Variants in ADAMTSL3 observed in about 807,000 individuals in gnomAD.
ADAMTSL3 encodes ADAMTS like 3.
In ADAMTSL3, 128 loss-of-function variants were observed where a neutral mutation model predicts 201.7. The ratio of observed to expected loss-of-function variants is 0.63; its 90% confidence interval spans 0.55 to 0.73. The LOEUF (loss-of-function observed/expected upper bound fraction) is 0.73. Ranked by LOEUF, ADAMTSL3 falls within the 30% of genes least tolerant of loss-of-function variation. The pLI is 0.00. For missense variants in ADAMTSL3, 1,990 were observed against 2,119.6 expected (o/e 0.94, Z 1.20); for synonymous variants, 738 against 748.4 (o/e 0.99, Z 0.23).
intron 4 of ADAMTSL3, among the ~76,000 whole-genome samples, chr15:83,796,556 A>G (rs138827434): frequency 6.6e-4 from 101 of 152,354 alleles, no homozygotes; most frequent in African/African-American, 2.4e-3. Flanking sequence ...TCATAAACAT[A>G]CCAATTTTCC....
At chr15:84,015,479 G>C (rs1479075161) in intron 24 of ADAMTSL3, among the ~76,000 whole-genome samples, 1 of 152,154 alleles carries the variant, frequency 6.6e-6, no homozygotes, top group East Asian at 1.9e-4. Flanking sequence ...GTTAATTCTT[G>C]TGATACTTAT....
At chr15:83,771,472 A>G (rs975115831) in intron 3 of ADAMTSL3, among the ~76,000 whole-genome samples, 1 of 152,130 alleles carries the variant, frequency 6.6e-6, no homozygotes, top group Non-Finnish European at 1.5e-5. Context: ...CCTGGCAACC[A>G]CTATTGTACT....
intron 4 of ADAMTSL3, among the ~76,000 whole-genome samples, chr15:83,795,193 T>C (rs913546446): frequency 6.6e-6 from 1 of 151,960 alleles, no homozygotes; most frequent in East Asian, 1.9e-4. Context: ...AATTTAATTT[T>C]AAAAAACTAG....
chr15:83,976,324 C>T (rs2067287581), intron 20 of ADAMTSL3, among the ~76,000 whole-genome samples: 1 of 152,070 alleles, frequency 6.6e-6, no homozygotes, highest in African/African-American at 2.4e-5. Flanking sequence ...AGGGCCAGCA[C>T]ACCACTGGAC....
chr15:84,006,558 C>T (rs1479267840), intron 23 of ADAMTSL3, among the ~76,000 whole-genome samples: 1 of 152,064 alleles, frequency 6.6e-6, no homozygotes, highest in Non-Finnish European at 1.5e-5. Context: ...CACAGCCCCT[C>T]CGGCTCTGAA....
At chr15:83,779,896 C>T (rs2063139499) in intron 4 of ADAMTSL3, among the ~76,000 whole-genome samples, 1 of 152,188 alleles carries the variant, frequency 6.6e-6, no homozygotes, top group Non-Finnish European at 1.5e-5. Context: ...AACAAAGATA[C>T]AACATGCCAG....
intron 23 of ADAMTSL3, among the ~76,000 whole-genome samples, chr15:83,996,121 T>G (rs1227427066): frequency 6.6e-6 from 1 of 152,188 alleles, no homozygotes; most frequent in Non-Finnish European, 1.5e-5. Flanking sequence ...ATGAACATAT[T>G]TTTAAAAATC....
chr15:83,706,501 T>C (rs1393587655), intron 3 of ADAMTSL3, among the ~76,000 whole-genome samples: 1 of 152,192 alleles, frequency 6.6e-6, no homozygotes, highest in Non-Finnish European at 1.5e-5. Flanking sequence ...AAGCCAATAA[T>C]AGCACCCACT....
Position 83,939,883 on chromosome 15 carries a change from A to G in ADAMTSL3, c.2118-2713A>G, listed in dbSNP as rs563290345. On this transcript the variant is annotated intron_variant, in intron 17 of 29. Transcript: ENST00000286744. ...GTGACCTGCCCACCTCAGCCTCCCAAAGTGATGGGATTACAGGCATGAGCC... is the reference window on the plus strand; with the variant it reads ...GTGACCTGCCCACCTCAGCCTCCCAGAGTGATGGGATTACAGGCATGAGCC... 1.1e-4 allele frequency among the ~76,000 whole-genome samples: 17 copies of G among 152,104 alleles called. No individual in the cohort carries two copies. The South Asian group carries it at 3.5e-3, about 32-fold the overall frequency.
chr15:83,962,876 G>A (rs1409088733), intron 19 of ADAMTSL3, among the ~76,000 whole-genome samples: 2 of 152,238 alleles, frequency 1.3e-5, no homozygotes, highest in African/African-American at 2.4e-5. Flanking sequence ...GCCAGCTGAA[G>A]CATGGTGGGG....
At chr15:83,688,747 CAT>C (rs111314211) in intron 2 of ADAMTSL3, among the ~76,000 whole-genome samples, 6,163 of 62,642 alleles carry the variant, frequency 0.098, 229 homozygotes, top group African/African-American at 0.25. Flanking sequence ...TATACACATG[CAT>C]ATATATACAC....
rs2068520813 is a variant in ADAMTSL3 at position 84,036,928 on chromosome 15, AC to A, written c.4911del (p.Cys1638ValfsTer32). ...AGTTGCAAACCTGTGGCCAAGAGAC[AC>A]TGTGTACAGAAAAAGAAACCAATTT... ...TRSCKPVAKRHCVQKKKPISW... is the reference protein window; with the variant it reads ...TRSCKPVAKRXCVQKKKPISW... On this transcript the variant is annotated frameshift_variant, in exon 29 of 30. Transcript: ENST00000286744. LOFTEE classifies it high-confidence loss of function. The A allele has an allele frequency of 1.2e-6, 2 of 1,614,052 alleles. No homozygotes were observed. The highest frequency in any genetic ancestry group is 1.7e-6 in the Non-Finnish European group (2 of 1,179,992).
rs2066081785 is a variant in ADAMTSL3 at position 83,918,689 on chromosome 15, T to C, written c.1988-5215T>C. 3.3e-5 allele frequency among the ~76,000 whole-genome samples: 5 copies of C among 152,184 alleles called. No homozygotes were observed. The South Asian group carries it at 1.0e-3, about 32-fold the overall frequency. ...AGACAGGAAGGCAGAGGCCAGACAATTATGGCCTTACAGGCTATGTTGATT... is the reference window on the plus strand; with the variant it reads ...AGACAGGAAGGCAGAGGCCAGACAACTATGGCCTTACAGGCTATGTTGATT... On this transcript the variant is annotated intron_variant, in intron 16 of 29. Transcript: ENST00000286744.
At chr15:83,951,486 G>A (rs1263647391) in intron 19 of ADAMTSL3, among the ~76,000 whole-genome samples, 2 of 152,006 alleles carry the variant, frequency 1.3e-5, no homozygotes, top group Non-Finnish European at 1.5e-5. Context: ...TCTTTTTGAT[G>A]TGTTTTTGTC....
intron 16 of ADAMTSL3, among the ~76,000 whole-genome samples, chr15:83,914,965 G>A (rs775351021): frequency 2.0e-5 from 3 of 152,070 alleles, no homozygotes; most frequent in Non-Finnish European, 4.4e-5. Context: ...CTCTTGATGA[G>A]TTTGGGGAAA....
At chr15:83,947,520 T>C (rs1343365400) in intron 19 of ADAMTSL3, among the ~76,000 whole-genome samples, 1 of 152,192 alleles carries the variant, frequency 6.6e-6, no homozygotes, top group East Asian at 1.9e-4. Flanking sequence ...TCCCAAATGG[T>C]GAATTTCTGT....
chr15:83,798,061 T>C (rs2063456321), intron 4 of ADAMTSL3, among the ~76,000 whole-genome samples: 1 of 152,148 alleles, frequency 6.6e-6, no homozygotes, highest in Non-Finnish European at 1.5e-5. Context: ...TAGAGTTACA[T>C]CTGTTAACGT....
At chr15:83,857,077 T>C (rs2064751386) in intron 7 of ADAMTSL3, among the ~76,000 whole-genome samples, 1 of 152,206 alleles carries the variant, frequency 6.6e-6, no homozygotes, top group African/African-American at 2.4e-5. Flanking sequence ...TAATAATTAT[T>C]GATACTGAGC....
chr15:83,810,458 G>A (rs1411127521), intron 5 of ADAMTSL3, among the ~76,000 whole-genome samples: 1 of 152,204 alleles, frequency 6.6e-6, no homozygotes, highest in Non-Finnish European at 1.5e-5. Context: ...TTTCATGGGT[G>A]CATTAGTTGT....
Sources: gnomAD v4.1 joint callset for allele counts (sites outside exome capture counted in the v4.1 genomes callset) on GRCh38, gnomAD v4.1.1 for gene constraint, MANE v1.5 for transcripts, NCBI Gene and HGNC (gene_info 2026-07-23, HGNC 2026-07-21) for gene names.